The following FAT4 variants were observed in gnomAD, a reference collection of about 807,000 sequenced individuals.
The protein encoded by FAT4 is FAT atypical cadherin 4.
FAT4 carries 84 observed loss-of-function variants against 303.9 expected under a neutral mutation model. That is an observed-to-expected ratio of 0.28 (90% CI 0.23 to 0.33). FAT4 has a LOEUF of 0.33. FAT4 is among the 10% of genes least tolerant of loss of function. The pLI is 1.00. For synonymous variants in FAT4, 2,307 were observed against 2,298.8 expected, an observed-to-expected ratio of 1.00 and a Z score of -0.10; for missense variants, 6,005 against 6,146.8, an observed-to-expected ratio of 0.98 and a Z score of 0.77.
At chr4:125,431,050 GTAGTAATGTA>G (rs2126041293) in intron 7 of FAT4, among the ~76,000 whole-genome samples, 1 of 109,516 alleles carries the variant, frequency 9.1e-6, no homozygotes, top group East Asian at 5.3e-4. Context: ...TGTATCAACA[GTAGTAATGTA>G]TCTACAGTAA....
intron 2 of FAT4, among the ~76,000 whole-genome samples, chr4:125,324,022 C>T (rs1731055353): frequency 6.6e-6 from 1 of 152,158 alleles, no homozygotes; most frequent in Admixed American, 6.6e-5. Context: ...TGATATTGTT[C>T]ATTCCAAAGA....
intron 2 of FAT4, among the ~76,000 whole-genome samples, chr4:125,387,890 A>G (rs1158643701): frequency 6.6e-6 from 1 of 152,204 alleles, no homozygotes; most frequent in African/African-American, 2.4e-5. Flanking sequence ...CTACTGCCAG[A>G]ATAATGTTGC....
intron 2 of FAT4, among the ~76,000 whole-genome samples, chr4:125,358,772 C>A (rs1732535912): frequency 6.6e-6 from 1 of 152,054 alleles, no homozygotes; most frequent in African/African-American, 2.4e-5. Flanking sequence ...GGGTTGGGGA[C>A]CCCTTATCTA....
chr4:125,352,164 A>G (rs1366240138), intron 2 of FAT4, among the ~76,000 whole-genome samples: 1 of 151,662 alleles, frequency 6.6e-6, no homozygotes, highest in Non-Finnish European at 1.5e-5. Context: ...TATGAAGACT[A>G]TTATACATTG....
chr4:125,440,608 TGTGAGAGAGA>T (rs1221226574), intron 8 of FAT4, among the ~76,000 whole-genome samples: 2 of 57,326 alleles, frequency 3.5e-5, no homozygotes, highest in Admixed American at 1.7e-4. Context: ...TGTGTGTGTG[TGTGAGAGAGA>T]GAGAGAGAGA....
At chr4:125,357,010 T>C (rs1732454648) in intron 2 of FAT4, among the ~76,000 whole-genome samples, 1 of 152,022 alleles carries the variant, frequency 6.6e-6, no homozygotes, top group Admixed American at 6.6e-5. Flanking sequence ...TATCTCAGTA[T>C]AGCTCCCCCA....
intron 8 of FAT4, among the ~76,000 whole-genome samples, chr4:125,437,582 G>A (rs1027737313): frequency 6.6e-6 from 1 of 152,166 alleles, no homozygotes; most frequent in African/African-American, 2.4e-5. Flanking sequence ...ACCCGTTTGA[G>A]TCATTGTACT....
rs555501556 is a variant in FAT4 at position 125,367,149 on chromosome 4, A to G, written c.5176-31635A>G. On this transcript the variant is annotated intron_variant, in intron 2 of 17. Coordinates refer to ENST00000394329, the MANE Select transcript of FAT4 (RefSeq NM_001291303.3). Reference sequence around the variant, plus strand: ...CAGAAGTTTCCCTTTTAATTTTAGCATCGCAAATATGCATCAAATGTTATC... The same window carrying G: ...CAGAAGTTTCCCTTTTAATTTTAGCGTCGCAAATATGCATCAAATGTTATC... Among the ~76,000 whole-genome samples the G allele has an allele frequency of 5.9e-5, 9 of 152,188 alleles. 1 individual carries two copies. In the South Asian group the frequency reaches 1.7e-3, roughly 28 times the overall value.
chr4:125,434,115 C>A, intron 7 of FAT4, 130 bp from the exon 8 acceptor site: 1 of 729,216 alleles, frequency 1.4e-6, no homozygotes, highest in Non-Finnish European at 2.2e-6. Flanking sequence ...CACTCAATCA[C>A]TTATGTGTTC....
intron 16 of FAT4, among the ~76,000 whole-genome samples, chr4:125,483,013 C>G (rs1273266133): frequency 6.6e-6 from 1 of 152,154 alleles, no homozygotes; most frequent in African/African-American, 2.4e-5. Context: ...CTTCTGGCGT[C>G]TAGCGGTAGA....
intron 12 of FAT4, among the ~76,000 whole-genome samples, chr4:125,472,451 T>C (rs1726897157): frequency 6.6e-6 from 1 of 152,192 alleles, no homozygotes; most frequent in Non-Finnish European, 1.5e-5. Flanking sequence ...TTTTTTTCCC[T>C]ATGACACGTA....
intron 8 of FAT4, among the ~76,000 whole-genome samples, chr4:125,435,896 T>C (rs1251040250): frequency 2.0e-5 from 3 of 152,090 alleles, no homozygotes; most frequent in Non-Finnish European, 2.9e-5. Context: ...CAGTGCACCA[T>C]TTAGGCACTA....
rs1220048384 is a variant in FAT4, at chr4:125,451,167, C to A, written c.10157C>A (p.Ala3386Glu). Reference sequence around the variant, plus strand: ...AAGAACTTTGGCAGCATTAGAGGTGCAGATATAGATGAGGTCACTGTAAAT... The same window carrying A: ...AAGAACTTTGGCAGCATTAGAGGTGAAGATATAGATGAGGTCACTGTAAAT... ...LAKNFGSIRG[A>E]DIDEVTVNVT... The change falls in exon 10 of 18, where the codon GCA becomes GAA. Residue 3386 changes from alanine to glutamate, a missense_variant. By Grantham distance (107) the Ala-to-Glu change is moderately radical. Coordinates refer to ENST00000394329, the MANE Select transcript of FAT4 (RefSeq NM_001291303.3). The A allele has an allele frequency of 3.1e-6, 5 of 1,613,966 alleles. No homozygotes were observed. The African/African-American group carries it at 6.7e-5, about 22-fold the overall frequency.
intron 11 of FAT4, among the ~76,000 whole-genome samples, chr4:125,467,626 A>T (rs1726711450): frequency 6.6e-6 from 1 of 152,220 alleles, no homozygotes; most frequent in Non-Finnish European, 1.5e-5. Context: ...AATCATACCC[A>T]CAGAGGGTAT....
Position 125,320,466 on chromosome 4 carries a change from A to G in FAT4, c.4055A>G (p.Tyr1352Cys). 6.2e-7 allele frequency: 1 copy of G among 1,613,928 alleles called. No homozygotes were observed. ...TCAGGTGACAATGCTGATTTATATT[A>G]CAGTATTACTGGGACTAACAACCAC... ...SDSGDNADLY[Y>C]SITGTNNHGT... is the part of the protein sequence containing the mutation. The change falls in exon 2 of 18, where the codon TAC becomes TGC. Residue 1352 changes from tyrosine (Y) to cysteine (C), a missense_variant. Transcript: ENST00000394329.
intron 2 of FAT4, among the ~76,000 whole-genome samples, chr4:125,395,795 A>G (rs1734147060): frequency 6.6e-6 from 1 of 152,166 alleles, no homozygotes; most frequent in Admixed American, 6.6e-5. Context: ...AGATTCATTC[A>G]AAAAGGTGTC....
chr4:125,475,052 G>A (rs1016386091), intron 12 of FAT4, among the ~76,000 whole-genome samples: 3 of 152,010 alleles, frequency 2.0e-5, no homozygotes, highest in Non-Finnish European at 4.4e-5. Flanking sequence ...TGTGGCATTC[G>A]TAAATTTAGA....
chr4:125,406,729 A>G, intron 3 of FAT4, 151 bp from the exon 4 acceptor site: 1 of 741,930 alleles, frequency 1.3e-6, no homozygotes, highest in Non-Finnish European at 2.1e-6. Flanking sequence ...TTAGTTAGTA[A>G]GTTTATCTCT....
intron 2 of FAT4, among the ~76,000 whole-genome samples, chr4:125,365,940 T>C (rs1732863521): frequency 6.6e-6 from 1 of 152,074 alleles, no homozygotes; most frequent in Non-Finnish European, 1.5e-5. Context: ...AGCGGCAGGC[T>C]AACGAGCATT....
Sources: allele counts gnomAD v4.1 joint callset (sites outside exome capture counted in the v4.1 genomes callset), GRCh38; gene constraint gnomAD v4.1.1; transcripts MANE v1.5; gene names NCBI Gene and HGNC (gene_info 2026-07-23, HGNC 2026-07-21).